The following COL21A1 variants were observed in gnomAD, a reference collection of about 807,000 sequenced individuals.
COL21A1 encodes collagen type XXI alpha 1 chain.
COL21A1 carries 149 observed loss-of-function variants against 137.9 expected under a neutral mutation model. The observed-to-expected ratio is 1.08, with a 90% confidence interval of 0.95 to 1.24. The LOEUF (loss-of-function observed/expected upper bound fraction) is 1.24. Among genes scored for constraint, COL21A1 ranks in the 50% most tolerant of loss-of-function variants. The pLI, the probability that COL21A1 is intolerant of heterozygous loss-of-function variation, is 0.00. For missense variants in COL21A1, 1,167 were observed against 1,158.4 expected, an observed-to-expected ratio of 1.01 and a Z score of -0.11; for synonymous variants, 456 against 391.5, an observed-to-expected ratio of 1.16 and a Z score of -1.95.
chr6:56,163,872 G>C (rs12201639), intron 9 of COL21A1, among the ~76,000 whole-genome samples: 14,286 of 152,004 alleles, frequency 0.094, 820 homozygotes, highest in African/African-American at 0.16. Context: ...AATGTAACTG[G>C]AACAAGCGCA....
intron 1 of COL21A1, among the ~76,000 whole-genome samples, chr6:56,306,913 C>A (rs936408944): frequency 6.6e-6 from 1 of 152,110 alleles, no homozygotes; most frequent in Non-Finnish European, 1.5e-5. Context: ...TGTGGATGTC[C>A]TTTCTGTTTG....
intron 1 of COL21A1, among the ~76,000 whole-genome samples, chr6:56,349,755 C>A (rs895371606): frequency 3.8e-4 from 58 of 152,246 alleles, no homozygotes; most frequent in African/African-American, 1.4e-3. Flanking sequence ...GGTTGCCTTA[C>A]CTTCTGTTTT....
chr6:56,250,954 C>T (rs577224511), upstream of COL21A1, among the ~76,000 whole-genome samples: 2 of 152,008 alleles, frequency 1.3e-5, no homozygotes, highest in African/African-American at 4.8e-5. Flanking sequence ...TGTTTTAGAA[C>T]ATTATTGTGC....
Position 56,060,937 on chromosome 6 carries a change from G to T in COL21A1, c.2306C>A (p.Pro769His). ...LMGPAGPKGQ[P>H]GDPGPQGPPG... Reference sequence around the variant, plus strand: ...GGGTCCCTGAGGACCTGGATCCCCAGGTTGCCCCTTAGGACCTGCGGGCCC... The same window carrying T: ...GGGTCCCTGAGGACCTGGATCCCCATGTTGCCCCTTAGGACCTGCGGGCCC... The change falls in exon 26 of 30, where the codon CCT becomes CAT. Residue 769 changes from proline to histidine, a missense_variant. By Grantham distance (77) the Pro-to-His change is moderately conservative. Coordinates refer to ENST00000244728, the MANE Select transcript of COL21A1 (RefSeq NM_030820.4). 6.3e-7 allele frequency: 1 copy of T among 1,590,650 alleles called. No homozygotes were observed. Among genetic ancestry groups the T allele is most frequent in the Non-Finnish European group, 8.5e-7 (1 of 1,172,220 alleles).
intron 12 of COL21A1, among the ~76,000 whole-genome samples, chr6:56,129,155 C>T (rs1773290872): frequency 6.6e-6 from 1 of 152,200 alleles, no homozygotes; most frequent in Admixed American, 6.5e-5. Flanking sequence ...GCATTTTTAG[C>T]TCTGCTTTCA....
chr6:56,368,095 T>A (rs1296522505), intron 1 of COL21A1, among the ~76,000 whole-genome samples: 2 of 152,108 alleles, frequency 1.3e-5, no homozygotes, highest in African/African-American at 4.8e-5. Flanking sequence ...TGAAAAAAAA[T>A]TTTAACCTTT....
chr6:56,278,894 A>G (rs1763731015), intron 1 of COL21A1, among the ~76,000 whole-genome samples: 1 of 152,228 alleles, frequency 6.6e-6, no homozygotes, highest in South Asian at 2.1e-4. Flanking sequence ...TAGATAAATT[A>G]TGCTCATGCA....
intron 1 of COL21A1, among the ~76,000 whole-genome samples, chr6:56,268,461 CA>C (rs1349674079): frequency 1.3e-5 from 2 of 152,164 alleles, no homozygotes; most frequent in Non-Finnish European, 2.9e-5. Flanking sequence ...AAGTAAAAGC[CA>C]TTCTTCCCAC....
chr6:56,192,171 C>T (rs1197023873), intron 1 of COL21A1, among the ~76,000 whole-genome samples: 1 of 152,100 alleles, frequency 6.6e-6, no homozygotes, highest in East Asian at 1.9e-4. Context: ...AACTGGACCC[C>T]TTCGTTACAC....
rs1463032411 is a variant in COL21A1 at position 56,274,624 on chromosome 6, C to CA, written c.-38-91969dup. 2.6e-5 allele frequency among the ~76,000 whole-genome samples: 4 copies of CA among 151,372 alleles called. No individual in the cohort carries two copies. In the South Asian group the frequency reaches 6.2e-4, roughly 24 times the overall value. On this transcript the variant is annotated intron_variant, in intron 1 of 28. Coordinates refer to the COL21A1 transcript ENST00000370819. ...CAACATCATTTACAATAGCTACACA[C>CA]AAAAAAGAAAAATGAAATACCTAGG...
At chr6:56,278,486 C>G (rs886331580) in intron 1 of COL21A1, among the ~76,000 whole-genome samples, 2 of 152,146 alleles carry the variant, frequency 1.3e-5, no homozygotes, top group Non-Finnish European at 2.9e-5. Flanking sequence ...ACACTGCATA[C>G]CCCACCATTC....
At chr6:56,255,334 GGTGTGTGTGTGTGTGTGTGT>G (rs71783697) in intron 1 of COL21A1, among the ~76,000 whole-genome samples, 10 of 145,594 alleles carry the variant, frequency 6.9e-5, no homozygotes, top group South Asian at 4.5e-4. Context: ...TTGTTAAGAG[GGTGTGTGTGTGTGTGTGTGT>G]GTGTGTGTGT....
intron 1 of COL21A1, among the ~76,000 whole-genome samples, chr6:56,217,289 T>C (rs1780544574): frequency 6.6e-6 from 1 of 152,086 alleles, no homozygotes; most frequent in Non-Finnish European, 1.5e-5. Flanking sequence ...TTCCCACTCC[T>C]GGGTCATCTG....
chr6:56,261,582 C>T (rs1193821867), intron 1 of COL21A1, among the ~76,000 whole-genome samples: 1 of 152,172 alleles, frequency 6.6e-6, no homozygotes, highest in African/African-American at 2.4e-5. Context: ...ACTGCATCTA[C>T]AGGCACCTTG....
chr6:56,177,087 G>A (rs535653107), intron 3 of COL21A1, among the ~76,000 whole-genome samples: 1 of 151,648 alleles, frequency 6.6e-6, no homozygotes, highest in African/African-American at 2.4e-5. Flanking sequence ...TAGTAGAAGA[G>A]GAAGTGGTAG....
intron 1 of COL21A1, among the ~76,000 whole-genome samples, chr6:56,307,402 C>T (rs942140212): frequency 2.0e-5 from 3 of 152,200 alleles, no homozygotes; most frequent in Non-Finnish European, 4.4e-5. Flanking sequence ...CTTTGTTTAC[C>T]TACTCAAGCC....
chr6:56,277,293 A>T (rs1355785739), intron 1 of COL21A1, among the ~76,000 whole-genome samples: 1 of 150,048 alleles, frequency 6.7e-6, no homozygotes, highest in Non-Finnish European at 1.5e-5. Flanking sequence ...ATCCCTCCCC[A>T]CTCCCCTCAA....
In COL21A1 at chr6:56,106,000, T is replaced by G. The variant is rs540168126; in HGVS notation, c.1759-4475A>C. Among the ~76,000 whole-genome samples, 6 of 152,346 alleles carry G rather than the reference T, an allele frequency of 3.9e-5. No homozygotes were observed. The South Asian group carries it at 1.2e-3, about 32-fold the overall frequency. On this transcript the variant is annotated intron_variant, in intron 16 of 29. Transcript: ENST00000244728. The stretch of plus-strand genomic sequence containing the variant: ...AACCAAACTGAAAATAGCCTCAGCC[T>G]ATGCTTACGTTCAAAGTATGGCTAC...
intron 10 of COL21A1, among the ~76,000 whole-genome samples, chr6:56,151,389 T>C (rs1775311497): frequency 6.6e-6 from 1 of 152,334 alleles, no homozygotes; most frequent in South Asian, 2.1e-4. Flanking sequence ...ATGCCTTCAG[T>C]AGCTGTACTC....
Sources: gnomAD v4.1 joint callset for allele counts (sites outside exome capture counted in the v4.1 genomes callset) on GRCh38, gnomAD v4.1.1 for gene constraint, MANE v1.5 for transcripts, NCBI Gene and HGNC (gene_info 2026-07-23, HGNC 2026-07-21) for gene names.